The following KCNMB2 variants were observed in gnomAD, a reference collection of about 807,000 sequenced individuals.
The protein encoded by KCNMB2 is potassium calcium-activated channel subfamily M regulatory beta subunit 2, also known as calcium-activated potassium channel subunit beta-2.
Under a neutral mutation model 24.5 loss-of-function variants are expected in KCNMB2, and 9 were observed. The ratio of observed to expected loss-of-function variants is 0.37; its 90% CI spans 0.22 to 0.64. The LOEUF (loss-of-function observed/expected upper bound fraction) is 0.64, where lower values mean the gene tolerates loss of function less well. Ranked by LOEUF, KCNMB2 falls within the 30% of genes least tolerant of loss-of-function variation. KCNMB2 has a pLI of 0.63. For missense variants in KCNMB2, 226 were observed against 284.3 expected, an observed-to-expected ratio of 0.79 and a Z score of 1.47; for synonymous variants, 109 against 104.4, an observed-to-expected ratio of 1.04 and a Z score of -0.27.
In KCNMB2 at chr3:178,674,357, A is replaced by G. The variant is rs181895629; in HGVS notation, c.-67-132986A>G. Among the ~76,000 whole-genome samples the G allele has an allele frequency of 2.8e-3, 428 of 152,262 alleles. 1 individual carries two copies. The highest frequency in any genetic ancestry group is 4.9e-3 in the Non-Finnish European group (333 of 68,018). ...TATATATATATATCTTTAGCTTAGC[A>G]TGTTAAGTTAAATATCTGGTTCCTC... On this transcript the variant is annotated intron_variant, in intron 1 of 4. Transcript: ENST00000452583.
intron 1 of KCNMB2, among the ~76,000 whole-genome samples, chr3:178,649,681 T>C (rs1044712742): frequency 1.3e-5 from 2 of 152,158 alleles, no homozygotes; most frequent in African/African-American, 4.8e-5. Context: ...TATTCTCTGA[T>C]GGTAGTTTGT....
At chr3:178,723,379 T>C (rs1027967631) in intron 1 of KCNMB2, among the ~76,000 whole-genome samples, 5 of 152,228 alleles carry the variant, frequency 3.3e-5, no homozygotes, top group African/African-American at 9.6e-5. Context: ...TCTATTCATG[T>C]CTTTCATCAG....
chr3:178,679,162 A>G (rs1055162707), intron 1 of KCNMB2, among the ~76,000 whole-genome samples: 1 of 152,148 alleles, frequency 6.6e-6, no homozygotes, highest in African/African-American at 2.4e-5. Context: ...GGGTCTCCCA[A>G]AAGATATACA....
At chr3:178,608,677 C>A (rs1270894063) in intron 1 of KCNMB2, among the ~76,000 whole-genome samples, 1 of 152,124 alleles carries the variant, frequency 6.6e-6, no homozygotes, top group Non-Finnish European at 1.5e-5. Flanking sequence ...CCCAACTACC[C>A]TTCCCAGCTC....
intron 1 of KCNMB2, among the ~76,000 whole-genome samples, chr3:178,597,367 C>G (rs1277018046): frequency 6.6e-6 from 1 of 152,074 alleles, no homozygotes; most frequent in Non-Finnish European, 1.5e-5. Flanking sequence ...TTTCGGATAT[C>G]ATCATTATGA....
At chr3:178,756,947 A>C (rs533679623) in intron 1 of KCNMB2, 2 of 151,978 alleles carry the variant, frequency 1.3e-5, no homozygotes, top group Non-Finnish European at 2.9e-5. Context: ...AGCGATTTTA[A>C]AGAGAAAAAT....
intron 1 of KCNMB2, among the ~76,000 whole-genome samples, chr3:178,551,706 T>C (rs1009584160): frequency 6.6e-6 from 1 of 152,248 alleles, no homozygotes; most frequent in African/African-American, 2.4e-5. Flanking sequence ...GCAAGGATTG[T>C]ACTAGGCATT....
chr3:178,641,232 G>C (rs955839697), intron 1 of KCNMB2, among the ~76,000 whole-genome samples: 1 of 152,090 alleles, frequency 6.6e-6, no homozygotes, highest in African/African-American at 2.4e-5. Context: ...CTACAAAACA[G>C]CTTCCTGGAA....
At chr3:178,637,534 G>C (rs1053838405) in intron 1 of KCNMB2, among the ~76,000 whole-genome samples, 2 of 152,120 alleles carry the variant, frequency 1.3e-5, no homozygotes, top group Non-Finnish European at 2.9e-5. Context: ...AATTACATTG[G>C]TCTTTAGTTT....
chr3:178,798,193 G>A (rs1322194194), intron 1 of KCNMB2, among the ~76,000 whole-genome samples: 2 of 152,080 alleles, frequency 1.3e-5, no homozygotes, highest in Non-Finnish European at 2.9e-5. Flanking sequence ...TGGTGAGAGA[G>A]GGCATCCTTG....
chr3:178,711,853 A>G (rs1158566931), intron 1 of KCNMB2, among the ~76,000 whole-genome samples: 1 of 152,184 alleles, frequency 6.6e-6, no homozygotes, highest in East Asian at 1.9e-4. Flanking sequence ...TTCCTTAGAA[A>G]ATTATGTAAT....
intron 1 of KCNMB2, among the ~76,000 whole-genome samples, chr3:178,601,017 T>C (rs1333653882): frequency 6.6e-6 from 1 of 152,056 alleles, no homozygotes; most frequent in Non-Finnish European, 1.5e-5. Flanking sequence ...TGCAGCCATA[T>C]AAAAGGATGA....
chr3:178,693,302 G>A (rs1329050886), intron 1 of KCNMB2, among the ~76,000 whole-genome samples: 3 of 152,178 alleles, frequency 2.0e-5, no homozygotes, highest in African/African-American at 7.2e-5. Context: ...TAGGAGCAGT[G>A]AGAAAGGGTA....
chr3:178,648,503 C>T (rs1024200020), intron 1 of KCNMB2, among the ~76,000 whole-genome samples: 1 of 152,180 alleles, frequency 6.6e-6, no homozygotes, highest in African/African-American at 2.4e-5. Flanking sequence ...GATCATGCCA[C>T]TTTACCCCAG....
rs991564524 is a variant in KCNMB2, at chr3:178,675,442, C to T, written c.-67-131901C>T. On this transcript the variant is annotated intron_variant, in intron 1 of 4. Coordinates refer to ENST00000452583, the MANE Select transcript of KCNMB2 (RefSeq NM_181361.3). The stretch of plus-strand genomic sequence containing the variant: ...TAGAGGGATGAACTGCCAGCTTTCC[C>T]GCAGGGCTGGATTTCTGTTAGTGTC... 2.6e-5 allele frequency among the ~76,000 whole-genome samples: 4 copies of T among 152,250 alleles called. No individual in the cohort carries two copies. In the East Asian group the frequency reaches 7.7e-4, roughly 29 times the overall value.
intron 1 of KCNMB2, among the ~76,000 whole-genome samples, chr3:178,646,198 T>G (rs577757169): frequency 1.3e-5 from 2 of 152,272 alleles, no homozygotes; most frequent in East Asian, 3.9e-4. Context: ...CCTGGAGAGA[T>G]AGTTTGAAGA....
intron 1 of KCNMB2, among the ~76,000 whole-genome samples, chr3:178,720,688 TG>T (rs1371853487): frequency 3.8e-5 from 5 of 132,676 alleles, no homozygotes; most frequent in Non-Finnish European, 7.9e-5. Context: ...TGGTGTGAGA[TG>T]GTATCTCATT....
chr3:178,799,811 A>G (rs1332047457), intron 1 of KCNMB2, among the ~76,000 whole-genome samples: 1 of 152,188 alleles, frequency 6.6e-6, no homozygotes, highest in Non-Finnish European at 1.5e-5. Flanking sequence ...ACAGCATGGC[A>G]CTGGAAGAAA....
At chr3:178,837,300 T>G (rs1425907596) in intron 4 of KCNMB2, among the ~76,000 whole-genome samples, 3 of 152,198 alleles carry the variant, frequency 2.0e-5, no homozygotes, top group Non-Finnish European at 4.4e-5. Flanking sequence ...TTATGCATAT[T>G]CATCACTTAA....
Sources: gnomAD v4.1 joint callset for allele counts (sites outside exome capture counted in the v4.1 genomes callset) on GRCh38, gnomAD v4.1.1 for gene constraint, MANE v1.5 for transcripts, NCBI Gene and HGNC (gene_info 2026-07-23, HGNC 2026-07-21) for gene names.